The following ERC2 variants were observed in gnomAD, a reference collection of about 807,000 sequenced individuals.
The protein encoded by ERC2 is ERC protein 2.
Under a neutral mutation model 114.8 loss-of-function variants are expected in ERC2, and 42 were observed. The observed-to-expected ratio is 0.37, with a 90% CI of 0.29 to 0.47. The LOEUF (loss-of-function observed/expected upper bound fraction) is 0.47. Ranked by LOEUF, ERC2 falls within the 20% of genes least tolerant of loss-of-function variation. The probability of loss-of-function intolerance (pLI) is 0.99; values close to 1 mark genes in which losing one functional copy is unlikely to be tolerated. For synonymous variants in ERC2, 454 were observed against 425.5 expected (o/e 1.07, Z -0.82); for missense variants, 939 against 1,150.7 (o/e 0.82, Z 2.66).
At chr3:56,070,061 G>A (rs2076657767) in intron 7 of ERC2, among the ~76,000 whole-genome samples, 1 of 152,092 alleles carries the variant, frequency 6.6e-6, no homozygotes, top group African/African-American at 2.4e-5. Context: ...AACTAAAACA[G>A]GTATTATAGA....
chr3:56,038,588 T>C (rs923618099), intron 7 of ERC2, among the ~76,000 whole-genome samples: 3 of 152,206 alleles, frequency 2.0e-5, no homozygotes, highest in African/African-American at 7.2e-5. Flanking sequence ...ACTGGTTATA[T>C]ACCCAAAGGA....
chr3:55,974,112 CTCAGCTT>C (rs1217250354), intron 12 of ERC2, among the ~76,000 whole-genome samples: 7 of 152,118 alleles, frequency 4.6e-5, no homozygotes, highest in African/African-American at 1.7e-4. Context: ...ACAAAGTAAT[CTCAGCTT>C]AAAAGTTTAA....
At chr3:55,762,821 G>A (rs2067537336) in intron 14 of ERC2, among the ~76,000 whole-genome samples, 1 of 152,212 alleles carries the variant, frequency 6.6e-6, no homozygotes, top group Non-Finnish European at 1.5e-5. Context: ...ATATTTGATT[G>A]TGTGGAGGAG....
chr3:56,207,286 A>G (rs1053470224), intron 3 of ERC2, among the ~76,000 whole-genome samples: 1 of 152,128 alleles, frequency 6.6e-6, no homozygotes, highest in African/African-American at 2.4e-5. Context: ...TTTTAAATTA[A>G]AAAAACACAC....
At chr3:55,918,884 C>A (rs1211329764) in intron 13 of ERC2, among the ~76,000 whole-genome samples, 1 of 150,704 alleles carries the variant, frequency 6.6e-6, no homozygotes, top group Non-Finnish European at 1.5e-5. Context: ...TATTTTAAGC[C>A]AGTAAGTTTG....
At chr3:56,090,331 AC>A (rs1182451788) in intron 6 of ERC2, among the ~76,000 whole-genome samples, 1 of 152,124 alleles carries the variant, frequency 6.6e-6, no homozygotes, top group East Asian at 1.9e-4. Flanking sequence ...TCTGTAGTTA[AC>A]CTTTTTATAA....
At chr3:56,084,060 G>A (rs2077378998) in intron 6 of ERC2, among the ~76,000 whole-genome samples, 1 of 151,906 alleles carries the variant, frequency 6.6e-6, no homozygotes. Context: ...ATACAAGAAT[G>A]CCATAAGAAA....
At chr3:55,584,941 A>T (rs1575663921) in intron 17 of ERC2, among the ~76,000 whole-genome samples, 1 of 152,280 alleles carries the variant, frequency 6.6e-6, no homozygotes, top group Admixed American at 6.5e-5. Flanking sequence ...CGAGAACCAG[A>T]CCTGCCTGCA....
intron 3 of ERC2, among the ~76,000 whole-genome samples, chr3:56,204,883 A>G (rs1460990891): frequency 7.5e-6 from 1 of 132,520 alleles, no homozygotes; most frequent in Non-Finnish European, 1.6e-5. Context: ...AGCCACTTAC[A>G]CTCAGAAAAA....
In ERC2 at chr3:56,296,531, G is replaced by C. The variant is rs183302550; in HGVS notation, c.658-96C>G. The C allele has an allele frequency of 3.9e-5, 52 of 1,329,022 alleles. No individual in the cohort carries two copies. In the Admixed American group the frequency reaches 1.0e-3, roughly 26 times the overall value. The allele number at this position is 1,329,022 out of a possible 1,614,324, so 82.3% of individuals were successfully genotyped here. On this transcript the variant is annotated intron_variant, in intron 2 of 17. Transcript: ENST00000288221. ...TTGCTGCCACCACACTATGAAGATGGAATGTTAATCATGAGGTCCGGAGGG... is the reference window on the plus strand; with the variant it reads ...TTGCTGCCACCACACTATGAAGATGCAATGTTAATCATGAGGTCCGGAGGG...
rs551940905 is a variant in ERC2, at chr3:55,515,535, T to C, written c.*40-4259A>G. ...GGCATGAGCCATGGTGCCCAGCCGT[T>C]AAAATTTTCTCCTTCAGACTTTTTT... On this transcript the variant is annotated intron_variant, in intron 17 of 17. Transcript: ENST00000288221. Among the ~76,000 whole-genome samples the C allele has an allele frequency of 1.0e-3, 152 of 149,998 alleles. 1 individual carries two copies. Among genetic ancestry groups the C allele is most frequent in the African/African-American group, 3.5e-3 (146 of 41,192 alleles).
At chr3:55,541,809 G>T (rs577316266) in intron 17 of ERC2, among the ~76,000 whole-genome samples, 52 of 152,264 alleles carry the variant, frequency 3.4e-4, no homozygotes, top group Non-Finnish European at 6.6e-4. Context: ...GTTTTGCCCT[G>T]GTTAGTTTTA....
chr3:55,672,359 CTT>C lies in ERC2; in HGVS notation c.*39+11433_*39+11434del, dbSNP rs1334953456. Among the ~76,000 whole-genome samples, 4 of 148,152 alleles carry C rather than the reference CTT, an allele frequency of 2.7e-5. No individual in the cohort carries two copies. The East Asian group carries it at 6.1e-4, about 22-fold the overall frequency. On this transcript the variant is annotated intron_variant, in intron 17 of 17. Transcript: ENST00000288221. ...ATCTCAAAAAAAAAAAAAAAAAAGT[CTT>C]TTAATATCCAACACCATCAGTGCAC...
intron 14 of ERC2, among the ~76,000 whole-genome samples, chr3:55,787,945 G>A (rs964499848): frequency 6.6e-6 from 1 of 152,214 alleles, no homozygotes; most frequent in African/African-American, 2.4e-5. Flanking sequence ...GATTTTTGAT[G>A]TGTACCCAGG....
At chr3:55,515,901 A>G (rs1165792708) in intron 17 of ERC2, among the ~76,000 whole-genome samples, 1 of 152,128 alleles carries the variant, frequency 6.6e-6, no homozygotes. Context: ...GCTGGGAGAA[A>G]GGGGTCTTTG....
intron 2 of ERC2, among the ~76,000 whole-genome samples, chr3:56,325,054 T>C (rs900108533): frequency 4.0e-5 from 6 of 151,872 alleles, no homozygotes; most frequent in Non-Finnish European, 5.9e-5. Flanking sequence ...ATTAGCCTGC[T>C]TTTTTTTCCT....
chr3:55,838,531 C>A (rs1370940091), intron 14 of ERC2, among the ~76,000 whole-genome samples: 1 of 151,742 alleles, frequency 6.6e-6, no homozygotes, highest in Non-Finnish European at 1.5e-5. Flanking sequence ...CATATTAAAG[C>A]ATACAGAATG....
intron 4 of ERC2, among the ~76,000 whole-genome samples, chr3:56,168,377 C>T (rs2082435249): frequency 6.6e-6 from 1 of 152,100 alleles, no homozygotes; most frequent in African/African-American, 2.4e-5. Context: ...ATTCTTAAGG[C>T]CTAAAAGCCA....
At chr3:56,140,051 C>T (rs542527049) in intron 5 of ERC2, among the ~76,000 whole-genome samples, 1 of 152,252 alleles carries the variant, frequency 6.6e-6, no homozygotes. Context: ...GGTAATTAAA[C>T]CAAGGCATAA....
Sources: allele counts gnomAD v4.1 joint callset (sites outside exome capture counted in the v4.1 genomes callset), GRCh38; gene constraint gnomAD v4.1.1; transcripts MANE v1.5; gene names NCBI Gene and HGNC (gene_info 2026-07-23, HGNC 2026-07-21).